The following PGM2L1 variants were observed in gnomAD, a reference collection of about 807,000 sequenced individuals.
The protein encoded by PGM2L1 is phosphoglucomutase 2 like 1.
In PGM2L1, 35 loss-of-function variants were observed where a neutral mutation model predicts 73.4. That is an observed-to-expected ratio of 0.48 (90% CI 0.36 to 0.63). The LOEUF is 0.63. Among genes scored for constraint, PGM2L1 ranks in the 30% least tolerant of loss-of-function variants. The pLI is 0.00. For missense variants in PGM2L1, 570 were observed against 742.0 expected (o/e 0.77, Z 2.69); for synonymous variants, 225 against 253.8 (o/e 0.89, Z 1.08).
At chr11:74,392,564 G>T (rs1254452610) in intron 1 of PGM2L1, among the ~76,000 whole-genome samples, 2 of 149,854 alleles carry the variant, frequency 1.3e-5, no homozygotes, top group Non-Finnish European at 3.0e-5. Context: ...TTTTTGAGAC[G>T]GAGTCTGGCT....
At chr11:74,351,199 A>C (rs1049827612) in intron 6 of PGM2L1, among the ~76,000 whole-genome samples, 184 bp downstream of exon 6, 1 of 152,238 alleles carries the variant, frequency 6.6e-6, no homozygotes, top group African/African-American at 2.4e-5. Context: ...TGGATATACC[A>C]CATTTTACTT....
intron 3 of PGM2L1, among the ~76,000 whole-genome samples, 172 bp from the exon 4 acceptor site, chr11:74,371,158 T>C (rs1048734054): frequency 7.9e-5 from 12 of 152,194 alleles, no homozygotes; most frequent in Admixed American, 1.3e-4. Flanking sequence ...AAATTTTAAA[T>C]AAATAAGTTT....
chr11:74,362,950 A>T (rs1213424004), intron 5 of PGM2L1, among the ~76,000 whole-genome samples: 1 of 152,228 alleles, frequency 6.6e-6, no homozygotes, highest in African/African-American at 2.4e-5. Context: ...TCTCAGCACC[A>T]CATTGCACTT....
At chr11:74,378,764 T>A (rs560005393) in intron 1 of PGM2L1, among the ~76,000 whole-genome samples, 1 of 152,204 alleles carries the variant, frequency 6.6e-6, no homozygotes, top group African/African-American at 2.4e-5. Context: ...CATGAAAGAA[T>A]TGATTTTTCC....
intron 4 of PGM2L1, among the ~76,000 whole-genome samples, chr11:74,369,492 G>A (rs555067422): frequency 3.3e-5 from 5 of 152,272 alleles, no homozygotes; most frequent in South Asian, 2.1e-4. Context: ...TGGATTAAAC[G>A]AGGAACGAGG....
chr11:74,383,869 C>T (rs370060692), intron 1 of PGM2L1, among the ~76,000 whole-genome samples: 293 of 122,692 alleles, frequency 2.4e-3, no homozygotes, highest in African/African-American at 8.9e-3. Context: ...AGTCTATCAC[C>T]GATGGGTATT....
rs774580463 is a variant in PGM2L1, at chr11:74,332,496, T to C, written c.*4156A>G. 1.3e-5 allele frequency: 2 copies of C among 152,646 alleles called. No individual in the cohort carries two copies. The highest frequency in any genetic ancestry group is 6.5e-5 in the Admixed American group (1 of 15,294). The allele number at this position is 152,646 out of a possible 1,614,324, so 9.5% of individuals were successfully genotyped here. A position where few individuals can be genotyped will look rare whatever the true frequency, so the allele number is the denominator to read the frequency against. On this transcript the variant is annotated 3_prime_UTR_variant, in exon 14 of 14. Transcript: ENST00000298198. ...GCATTCTGAATGAATACAGTTGAGA[T>C]TTCTTATCAGTGAGGTAACAGGGCA...
At chr11:74,347,999 C>A (rs549575548) in intron 6 of PGM2L1, among the ~76,000 whole-genome samples, 1 of 152,090 alleles carries the variant, frequency 6.6e-6, no homozygotes, top group Non-Finnish European at 1.5e-5. Flanking sequence ...CTTTCCTCCC[C>A]CTTCATCTCA....
intron 13 of PGM2L1, among the ~76,000 whole-genome samples, chr11:74,338,182 G>A (rs558099974): frequency 3.3e-5 from 5 of 152,310 alleles, no homozygotes; most frequent in African/African-American, 1.2e-4. Context: ...CATATTGTAT[G>A]ATTCCATTTA....
At chr11:74,344,317 C>T (rs1862230583) in intron 9 of PGM2L1, among the ~76,000 whole-genome samples, 3 of 152,068 alleles carry the variant, frequency 2.0e-5, no homozygotes, top group African/African-American at 7.2e-5. Context: ...TTTAGTGATG[C>T]ACTTTTAATA....
chr11:74,364,470 C>T (rs78609788), intron 5 of PGM2L1, among the ~76,000 whole-genome samples: 31,339 of 152,114 alleles, frequency 0.21, 3,495 homozygotes, highest in East Asian at 0.28. Flanking sequence ...AAAACCCCAT[C>T]GTCTCAGCCA....
chr11:74,392,579 C>T (rs549186232), intron 1 of PGM2L1, among the ~76,000 whole-genome samples: 17 of 151,196 alleles, frequency 1.1e-4, no homozygotes, highest in Non-Finnish European at 2.1e-4. Context: ...CTGGCTCTGT[C>T]GCCCAGGCTG....
At position 74,343,769 on chromosome 11, in the gene PGM2L1, CTTTTTTTTTTTTTT is replaced by C. The variant is rs56938172; in HGVS notation, c.1219-367_1219-354del. On this transcript the variant is annotated intron_variant, in intron 9 of 13. Transcript: ENST00000298198. Reference sequence around the variant, plus strand: ...GACTGAACCAGGTGCTTTACATTATCTTTTTTTTTTTTTTTTTTTTTTTTTTTGAGACGGAGTCT... The same window carrying C: ...GACTGAACCAGGTGCTTTACATTATCTTTTTTTTTTTTTGAGACGGAGTCT... Among the ~76,000 whole-genome samples, 3 of 79,156 alleles carry C rather than the reference CTTTTTTTTTTTTTT, an allele frequency of 3.8e-5. No individual in the cohort carries two copies. The South Asian group carries it at 1.9e-3, about 51-fold the overall frequency. The allele number at this position is 79,156 out of a possible 152,430, so 51.9% of individuals were successfully genotyped here.
At chr11:74,361,932 T>G (rs1169170094) in intron 5 of PGM2L1, among the ~76,000 whole-genome samples, 1 of 152,192 alleles carries the variant, frequency 6.6e-6, no homozygotes, top group East Asian at 1.9e-4. Context: ...TTGGTATACC[T>G]GAAAGTGACA....
At chr11:74,349,558 A>G (rs1431190628) in intron 6 of PGM2L1, among the ~76,000 whole-genome samples, 1 of 152,154 alleles carries the variant, frequency 6.6e-6, no homozygotes, top group Non-Finnish European at 1.5e-5. Context: ...CCACTCCTTG[A>G]TAAGAATCAA....
At chr11:74,395,825 C>T (rs1289914389) in intron 1 of PGM2L1, among the ~76,000 whole-genome samples, 2 of 151,996 alleles carry the variant, frequency 1.3e-5, no homozygotes, top group African/African-American at 4.8e-5. Context: ...CATTTAATTG[C>T]CACCAAAACT....
Position 74,389,099 on chromosome 11 carries a change from T to C in PGM2L1, c.111+8952A>G, listed in dbSNP as rs551014144. Reference sequence around the variant, plus strand: ...GATTTAGATTATCCAGGGATTATCATTGAAATCTAAGCTAATGTAACCAGG... The same window carrying C: ...GATTTAGATTATCCAGGGATTATCACTGAAATCTAAGCTAATGTAACCAGG... On this transcript the variant is annotated intron_variant, in intron 1 of 13. Transcript: ENST00000298198. Among the ~76,000 whole-genome samples, 14 of 152,274 alleles carry C rather than the reference T, an allele frequency of 9.2e-5. No homozygotes were observed. The Middle Eastern group carries it at 0.01, about 111-fold the overall frequency.
At position 74,354,448 on chromosome 11, in the gene PGM2L1, TAAGTCA is replaced by T. The variant is rs1029752132; in HGVS notation, c.556-2878_556-2873del. ...GTCTCCTTCCCCCTGCTGTCATGTC[TAAGTCA>T]GAGTCTCCTAAAGAGCCTGAACAGC... On this transcript the variant is annotated intron_variant, in intron 5 of 13. Transcript: ENST00000298198. 1.7e-5 allele frequency: 13 copies of T among 756,704 alleles called. No individual in the cohort carries two copies. In the African/African-American group the frequency reaches 2.1e-4, roughly 12 times the overall value. The allele number at this position is 756,704 out of a possible 1,614,324, so 46.9% of individuals were successfully genotyped here. A position where few individuals can be genotyped will look rare whatever the true frequency, so the allele number is the denominator to read the frequency against.
At chr11:74,367,593 A>G (rs1862680484) in intron 5 of PGM2L1, among the ~76,000 whole-genome samples, 1 of 152,066 alleles carries the variant, frequency 6.6e-6, no homozygotes, top group Non-Finnish European at 1.5e-5. Context: ...TTTCTGCTCT[A>G]TACTCTCTCT....
Sources: allele counts gnomAD v4.1 joint callset (sites outside exome capture counted in the v4.1 genomes callset), GRCh38; gene constraint gnomAD v4.1.1; transcripts MANE v1.5; gene names NCBI Gene and HGNC (gene_info 2026-07-23, HGNC 2026-07-21).